Variants in HSPA8 observed in about 807,000 individuals in gnomAD.
HSPA8 encodes heat shock cognate 71 kDa protein.
Under a neutral mutation model 52.8 loss-of-function variants are expected in HSPA8, and 2 were observed. The observed-to-expected ratio is 0.04, with a 90% CI of 0.02 to 0.12. The LOEUF (loss-of-function observed/expected upper bound fraction) is 0.12, where lower values mean the gene tolerates loss of function less well. Among genes scored for constraint, HSPA8 ranks in the 10% least tolerant of loss-of-function variants. The pLI is 1.00. For missense variants in HSPA8, 349 were observed against 800.5 expected (o/e 0.44, Z 6.81); for synonymous variants, 436 against 274.0 (o/e 1.59, Z -5.84).
At position 123,057,857 on chromosome 11, in the gene HSPA8, G is replaced by A; in HGVS notation, c.1818C>T (p.Ile606=). ...CTGCACTCTGGTACAGCTTGGTGAT[G>A]ATGGGGTTGCAAACTTTCTCCAGCT... ...QKELEKVCNP[I]ITKLYQSAGG... is the part of the protein sequence containing the mutation. Residue 606 remains isoleucine (I), a synonymous_variant, in exon 9 of 9, where the codon ATC becomes ATT. Coordinates refer to ENST00000534624, the MANE Select transcript of HSPA8 (RefSeq NM_006597.6). 6.2e-7 allele frequency: 1 copy of A among 1,613,426 alleles called. No individual in the cohort carries two copies. Among genetic ancestry groups the A allele is most frequent in the Non-Finnish European group, 8.5e-7 (1 of 1,179,652 alleles).
intron 8 of HSPA8, 90 bp downstream of exon 8, chr11:123,058,162 C>T: frequency 1.1e-6 from 1 of 881,924 alleles, no homozygotes; most frequent in Non-Finnish European, 1.8e-6. Context: ...ATCATTGTGA[C>T]CCTACACTGA....
chr11:123,058,321 A>C lies in HSPA8; in HGVS notation c.1686T>G (p.Ile562Met). The stretch of plus-strand genomic sequence containing the variant: ...GAATCTTCTGTTTGTCCTCATCGTT[A>C]ATCTTGCCTTGAAGTTTCTCATCTT... ...TVEDEKLQGK[I>M]NDEDKQKILD... The change falls in exon 8 of 9, where the codon ATT becomes ATG. Residue 562 changes from isoleucine (I) to methionine (M), a missense_variant. By Grantham distance (10) the Ile-to-Met change is conservative. Coordinates refer to ENST00000534624, the MANE Select transcript of HSPA8 (RefSeq NM_006597.6). 6.2e-7 allele frequency: 1 copy of C among 1,613,262 alleles called. No homozygotes were observed. Among genetic ancestry groups the C allele is most frequent in the South Asian group, 1.1e-5 (1 of 91,046 alleles).
At chr11:123,061,359 T>C (rs1405911741) in intron 1 of HSPA8, 30 bp from the exon 2 acceptor site, 7 of 1,527,796 alleles carry the variant, frequency 4.6e-6, no homozygotes, top group Non-Finnish European at 6.3e-6. Context: ...GGTTTAAAAA[T>C]TCAATTAATC....
Position 123,060,419 on chromosome 11 carries a change from T to A in HSPA8, c.412-151A>T. On this transcript the variant is annotated intron_variant, in intron 3 of 8. Coordinates refer to ENST00000534624, the MANE Select transcript of HSPA8 (RefSeq NM_006597.6). ...GTGTAATTGTCAAGATTCACTGGTT[T>A]CTGGTGTTGACAGACCCATCTACCT... is the stretch of plus-strand genomic sequence containing the variant. 3.1e-6 allele frequency: 3 copies of A among 963,100 alleles called. No homozygotes were observed. In the South Asian group the frequency reaches 4.6e-5, roughly 15 times the overall value. The allele number at this position is 963,100 out of a possible 1,614,324, so 59.7% of individuals were successfully genotyped here.
rs1419827076 is a variant in HSPA8 at position 123,062,108 on chromosome 11, A to C, written c.-50T>G. 1.3e-5 allele frequency: 2 copies of C among 152,352 alleles called. No homozygotes were observed. The highest frequency in any genetic ancestry group is 2.9e-5 in the Non-Finnish European group (2 of 68,452). The allele number at this position is 152,352 out of a possible 1,614,324, so 9.4% of individuals were successfully genotyped here. On this transcript the variant is annotated 5_prime_UTR_variant, in exon 1 of 9. Transcript: ENST00000534624. ...CCAATAACGAAGGAAGCCACAAAAA[A>C]CCCAAGAGCTGCAGGCGAGTTCAAT...
chr11:123,062,055 A>AGG lies in HSPA8; in HGVS notation c.-6+7_-6+8dup, dbSNP rs1181617621. 6.6e-6 allele frequency: 1 copy of AGG among 152,602 alleles called. No individual in the cohort carries two copies. Among genetic ancestry groups the AGG allele is most frequent in the African/African-American group, 2.4e-5 (1 of 41,436 alleles). 9.5% of individuals were successfully genotyped at this position (152,602 alleles called of 1,614,324 possible). A position where few individuals can be genotyped will look rare whatever the true frequency, so the allele number is the denominator to read the frequency against. The stretch of plus-strand genomic sequence containing the variant: ...GACCCACAACCCAACTCTTGAGCAG[A>AGG]GGTTTTACCTGGGGTGTAGGCCTGG... On this transcript the variant is annotated intron_variant, in intron 1 of 8. Transcript: ENST00000534624.
At chr11:123,060,895 G>A (rs1052941468) in intron 2 of HSPA8, 97 bp from the exon 3 acceptor site, 40 of 1,138,178 alleles carry the variant, frequency 3.5e-5, no homozygotes, top group African/African-American at 1.2e-4. Context: ...TTCATAGGTA[G>A]GTGAATTCAA....
chr11:123,060,481 C>T, intron 3 of HSPA8, 112 bp downstream of exon 3: 1 of 972,148 alleles, frequency 1.0e-6, no homozygotes, highest in Non-Finnish European at 1.6e-6. Context: ...GTGGTCTTAA[C>T]CCTGAGCTGA....
Position 123,058,757 on chromosome 11 carries a change from G to C in HSPA8, c.1397C>G (p.Pro466Arg). ...AATCTGAGGAACACCTCGGGGTGCA[G>C]GAGGTATGCCTGTGAGTTCAAACTT... Reference protein sequence around the residue: ...LGKFELTGIPPAPRGVPQIEV... With the variant: ...LGKFELTGIPRAPRGVPQIEV... The change falls in exon 7 of 9, where the codon CCT becomes CGT. Residue 466 changes from proline (P) to arginine (R), a missense_variant. By Grantham distance (103) the Pro-to-Arg change is moderately radical. Transcript: ENST00000534624. 6.2e-7 allele frequency: 1 copy of C among 1,613,938 alleles called. No individual in the cohort carries two copies. Among genetic ancestry groups the C allele is most frequent in the Non-Finnish European group, 8.5e-7 (1 of 1,179,812 alleles).
chr11:123,061,065 T>C (rs1254808641), intron 2 of HSPA8, 55 bp downstream of exon 2: 1 of 1,485,484 alleles, frequency 6.7e-7, no homozygotes, highest in Non-Finnish European at 9.4e-7. Flanking sequence ...TTCATAAACT[T>C]TTGTGCTTCC....
In HSPA8 at chr11:123,060,602, G is replaced by A. The variant is rs768398499; in HGVS notation, c.402C>T (p.Tyr134=). 2.0e-5 allele frequency: 33 copies of A among 1,613,018 alleles called. No individual in the cohort carries two copies. In the Admixed American group the frequency reaches 5.2e-4, roughly 25 times the overall value. Residue 134 remains tyrosine, a synonymous_variant, in exon 3 of 9, where the codon TAC becomes TAT. Coordinates refer to ENST00000534624, the MANE Select transcript of HSPA8 (RefSeq NM_006597.6). The part of the protein sequence containing the change: ...LTKMKEIAEA[Y]LGKTVTNAVV... ...GAAAAACCAACCTCACCTTCCCAAG[G>A]TAGGCTTCTGCAATTTCCTTCATCT...
chr11:123,058,582 A>T (rs746613946), intron 7 of HSPA8, 50 bp downstream of exon 7: 1 of 1,579,754 alleles, frequency 6.3e-7, no homozygotes, highest in Non-Finnish European at 8.7e-7. Context: ...CCAGTAACTC[A>T]ATTGAAATAC....
intron 1 of HSPA8, 81 bp from the exon 2 acceptor site, chr11:123,061,410 A>G: frequency 9.1e-7 from 1 of 1,100,930 alleles, no homozygotes; most frequent in Non-Finnish European, 1.3e-6. Context: ...CTTAACCAGG[A>G]AAAACGTATG....
Position 123,057,930 on chromosome 11 carries a change from G to C in HSPA8, c.1756-11C>G, listed in dbSNP as rs781668860. Reference sequence around the variant, plus strand: ...TTCCTTCTCAGCAGTCTGAGGAAGAGAAAAAGGAATTACTGCAAGTTCTTT... The same window carrying C: ...TTCCTTCTCAGCAGTCTGAGGAAGACAAAAAGGAATTACTGCAAGTTCTTT... On this transcript the variant is annotated splice_polypyrimidine_tract_variant and intron_variant, in intron 8 of 8. Transcript: ENST00000534624. 1 of 1,578,556 alleles carries C rather than the reference G, an allele frequency of 6.3e-7. No individual in the cohort carries two copies. Among genetic ancestry groups the C allele is most frequent in the East Asian group, 2.2e-5 (1 of 44,500 alleles).
At position 123,059,113 on chromosome 11, in the gene HSPA8, C is replaced by T. The variant is rs139016926; in HGVS notation, c.1269G>A (p.Lys423=). ...LIKRNTTIPT[K]QTQTFTTYSD... ...AATAGGTAGTGAAGGTCTGTGTCTGCTTGGTAGGAATGGTGGTATTACGCT... is the reference window on the plus strand; with the variant it reads ...AATAGGTAGTGAAGGTCTGTGTCTGTTTGGTAGGAATGGTGGTATTACGCT... The change falls in exon 6 of 9, where the codon AAG becomes AAA. Residue 423 remains lysine, a synonymous_variant. Transcript: ENST00000534624. The T allele has an allele frequency of 3.2e-4, 514 of 1,612,276 alleles. No homozygotes were observed. The East Asian group carries it at 0.011, about 33-fold the overall frequency.
At chr11:123,062,157 C>G (rs1865535387), upstream of HSPA8, 1 of 152,632 alleles carries the variant, frequency 6.6e-6, no homozygotes, top group Non-Finnish European at 1.5e-5. Flanking sequence ...GCCCGCCACC[C>G]TGCCTCTTAT....
chr11:123,059,281 C>T lies in HSPA8; in HGVS notation c.1121-20G>A, dbSNP rs752066770. On this transcript the variant is annotated intron_variant, in intron 5 of 8. Coordinates refer to ENST00000534624, the MANE Select transcript of HSPA8 (RefSeq NM_006597.6). ...GGACAGCTAGCAAACAAAAAGTTAA[C>T]GTTAAAAGAAGTTAAAAGAAAACCC... is the stretch of plus-strand genomic sequence containing the variant. 33 of 1,601,916 alleles carry T rather than the reference C, an allele frequency of 2.1e-5. No homozygotes were observed. Among genetic ancestry groups the T allele is most frequent in the Middle Eastern group, 1.7e-4 (1 of 6,054 alleles).
At position 123,058,437 on chromosome 11, in the gene HSPA8, T is replaced by C. The variant is rs753733140; in HGVS notation, c.1570A>G (p.Lys524Glu). Residue 524 changes from lysine to glutamate, a missense_variant, in exon 8 of 9, where the codon AAG becomes GAG. Lys to Glu is a moderately conservative substitution (Grantham distance 56, BLOSUM62 1). Transcript: ENST00000534624. Reference sequence around the variant, plus strand: ...TGCTTCTCATCTTCAGCTTTGTACTTCTCAGCTTCCTGGACCATACGTTCA... The same window carrying C: ...TGCTTCTCATCTTCAGCTTTGTACTCCTCAGCTTCCTGGACCATACGTTCA... ...DIERMVQEAEKYKAEDEKQRD... is the reference protein window; with the variant it reads ...DIERMVQEAEEYKAEDEKQRD... 6.2e-7 allele frequency: 1 copy of C among 1,614,100 alleles called. No individual in the cohort carries two copies. Among genetic ancestry groups the C allele is most frequent in the Non-Finnish European group, 8.5e-7 (1 of 1,180,032 alleles).
At chr11:123,058,541 C>T in intron 7 of HSPA8, 57 bp from the exon 8 acceptor site, 4 of 1,581,762 alleles carry the variant, frequency 2.5e-6, no homozygotes, top group Non-Finnish European at 3.5e-6. Context: ...ATGTGTAACT[C>T]TAGTTTCTCT....
Sources: gnomAD v4.1 joint callset for allele counts on GRCh38, gnomAD v4.1.1 for gene constraint, MANE v1.5 for transcripts, NCBI Gene and HGNC (gene_info 2026-07-23, HGNC 2026-07-21) for gene names.